Variants in CHRNB4 observed in about 807,000 individuals in gnomAD.
CHRNB4 encodes neuronal acetylcholine receptor subunit beta-4.
A neutral mutation model predicts 40.4 loss-of-function variants in CHRNB4; 23 were observed. The ratio of observed to expected loss-of-function variants is 0.57; its 90% CI spans 0.41 to 0.81. The LOEUF (loss-of-function observed/expected upper bound fraction) is 0.81. Ranked by LOEUF, CHRNB4 falls within the 30% of genes least tolerant of loss-of-function variation. The probability of loss-of-function intolerance (pLI) is 0.00; values close to 1 mark genes in which losing one functional copy is unlikely to be tolerated. For missense variants in CHRNB4, 568 were observed against 670.6 expected (o/e 0.85, Z 1.69); for synonymous variants, 285 against 274.4 (o/e 1.04, Z -0.38).
At chr15:78,630,711 C>T (rs2053786666) in intron 4 of CHRNB4, among the ~76,000 whole-genome samples, 1 of 152,192 alleles carries the variant, frequency 6.6e-6, no homozygotes, top group Admixed American at 6.5e-5. Context: ...CCTCCACCTG[C>T]CTAAGATATT....
At chr15:78,659,809 G>A (rs550097878) in intron 1 of CHRNB4, among the ~76,000 whole-genome samples, 2 of 152,222 alleles carry the variant, frequency 1.3e-5, no homozygotes, top group Non-Finnish European at 2.9e-5. Flanking sequence ...GGAGTGATGT[G>A]ACATGATTGC....
chr15:78,648,942 A>C (rs1421504040), intron 7 of CHRNB4, among the ~76,000 whole-genome samples: 1 of 151,860 alleles, frequency 6.6e-6, no homozygotes. Flanking sequence ...ACACCTGGCT[A>C]ATTTTTGGGA....
intron 1 of CHRNB4, 67 bp from the exon 2 acceptor site, chr15:78,635,654 G>A: frequency 6.3e-7 from 1 of 1,595,578 alleles, no homozygotes. Flanking sequence ...GCCTGTGGCA[G>A]CAGGGAGAGC....
chr15:78,632,150 TG>T (rs1204619355), intron 2 of CHRNB4, among the ~76,000 whole-genome samples: 2 of 24,140 alleles, frequency 8.3e-5, no homozygotes, highest in Non-Finnish European at 5.4e-4. Context: ...TCTTTCTTTC[TG>T]TCTTTCTTTT....
chr15:78,661,560 T>C, upstream of CHRNB4: 1 of 537,034 alleles, frequency 1.9e-6, no homozygotes, highest in South Asian at 1.4e-5. Context: ...CTTGGGCTCC[T>C]TGCGCGGAAC....
chr15:78,625,117 A>G lies in CHRNB4; in HGVS notation c.*16T>C, dbSNP rs768103340. The G allele has an allele frequency of 4.3e-6, 7 of 1,613,830 alleles. No homozygotes were observed. The highest frequency in any genetic ancestry group is 1.6e-4 in the Middle Eastern group (1 of 6,082). On this transcript the variant is annotated 3_prime_UTR_variant, in exon 6 of 6. Coordinates refer to ENST00000261751, the MANE Select transcript of CHRNB4 (RefSeq NM_000750.5). Reference sequence around the variant, plus strand: ...CCGGCCACTCACATCCTCTCACCCCACAACCCAGGGGGCCCTCAGTCACGC... The same window carrying G: ...CCGGCCACTCACATCCTCTCACCCCGCAACCCAGGGGGCCCTCAGTCACGC...
chr15:78,630,819 TCA>T, intron 4 of CHRNB4: 1 of 489,678 alleles, frequency 2.0e-6, no homozygotes, highest in South Asian at 2.3e-5. Context: ...GGGTTCAAGG[TCA>T]GGACACTGCT....
chr15:78,657,555 T>C (rs1367446205), intron 2 of CHRNB4, among the ~76,000 whole-genome samples: 1 of 152,004 alleles, frequency 6.6e-6, no homozygotes, highest in Non-Finnish European at 1.5e-5. Context: ...GGCATATTTA[T>C]TTATTTATTT....
chr15:78,633,686 T>C (rs1246891501), intron 2 of CHRNB4, among the ~76,000 whole-genome samples: 2 of 152,144 alleles, frequency 1.3e-5, no homozygotes, highest in Non-Finnish European at 2.9e-5. Context: ...TTTATGTCAT[T>C]TTCCTCACAT....
At chr15:78,656,853 C>T (rs967747186) in intron 3 of CHRNB4, among the ~76,000 whole-genome samples, 7 of 152,140 alleles carry the variant, frequency 4.6e-5, no homozygotes, top group Non-Finnish European at 8.8e-5. Context: ...ATCGAAGGCC[C>T]TGGGCCCTCT....
rs2904130 is a variant in CHRNB4, at chr15:78,624,280, C to G, written c.*853G>C. On this transcript the variant is annotated 3_prime_UTR_variant, in exon 6 of 6. Transcript: ENST00000261751. The stretch of plus-strand genomic sequence containing the variant: ...CCACCAGATAAGAGCGACAGGTACA[C>G]AGGAGTGCTCGAGGAAGGAGGCAGG... 0.71 allele frequency: 108,394 copies of G among 152,370 alleles called. 39,025 individuals are homozygous for G. The highest frequency in any genetic ancestry group is 0.82 in the African/African-American group (33,876 of 41,496). The allele number at this position is 152,370 out of a possible 1,614,324, so 9.4% of individuals were successfully genotyped here. A position where few individuals can be genotyped will look rare whatever the true frequency, so the allele number is the denominator to read the frequency against.
intron 2 of CHRNB4, among the ~76,000 whole-genome samples, chr15:78,633,263 G>A (rs2053873145): frequency 6.6e-6 from 1 of 152,210 alleles, no homozygotes; most frequent in African/African-American, 2.4e-5. Context: ...AGGTTTGGCT[G>A]CCAGTAACAG....
At chr15:78,647,857 ATCTC>A in intron 7 of CHRNB4, among the ~76,000 whole-genome samples, 1 of 89,272 alleles carries the variant, frequency 1.1e-5, no homozygotes. Flanking sequence ...GAGAGACTCC[ATCTC>A]AAAAAAAAAA....
intron 1 of CHRNB4, 107 bp from the exon 2 acceptor site, chr15:78,635,694 G>C: frequency 6.8e-7 from 1 of 1,473,954 alleles, no homozygotes. Context: ...CCTTAGGGCT[G>C]GCTGAAGCAG....
At chr15:78,660,823 G>A (rs1048082053), upstream of CHRNB4, 1 of 306,600 alleles carries the variant, frequency 3.3e-6, no homozygotes, top group African/African-American at 2.2e-5. Flanking sequence ...GGCGGGGCTA[G>A]GGTGGGTAAT....
upstream of CHRNB4, among the ~76,000 whole-genome samples, chr15:78,643,374 CA>C (rs2054098108): frequency 6.6e-6 from 1 of 151,908 alleles, no homozygotes; most frequent in Non-Finnish European, 1.5e-5. Flanking sequence ...CTCAGCCTTC[CA>C]AAGTGCTGGG....
chr15:78,632,902 C>T (rs2053864648), intron 2 of CHRNB4, among the ~76,000 whole-genome samples: 1 of 152,224 alleles, frequency 6.6e-6, no homozygotes, highest in Non-Finnish European at 1.5e-5. Context: ...TACATCTCTT[C>T]TTCGTACGCA....
At chr15:78,643,653 A>C (rs2054100060), upstream of CHRNB4, among the ~76,000 whole-genome samples, 1 of 152,152 alleles carries the variant, frequency 6.6e-6, no homozygotes, top group East Asian at 1.9e-4. Context: ...TGAAGGAAAT[A>C]AAATTTTAAA....
At chr15:78,641,584 C>T (rs71653606), upstream of CHRNB4, among the ~76,000 whole-genome samples, 8 of 152,304 alleles carry the variant, frequency 5.3e-5, no homozygotes, top group South Asian at 4.1e-4. Context: ...TGAGTCATCT[C>T]AGGTTCATTC....
Sources: allele counts gnomAD v4.1 joint callset (sites outside exome capture counted in the v4.1 genomes callset), GRCh38; gene constraint gnomAD v4.1.1; transcripts MANE v1.5; gene names NCBI Gene and HGNC (gene_info 2026-07-23, HGNC 2026-07-21).